Variants in ADARB2 observed in about 807,000 individuals in gnomAD.
ADARB2 encodes the protein inactive double-stranded RNA-specific editase B2.
Under a neutral mutation model 62.2 loss-of-function variants are expected in ADARB2, and 25 were observed. The observed-to-expected ratio is 0.40, with a 90% confidence interval of 0.29 to 0.56. The LOEUF is 0.56. Ranked by LOEUF, ADARB2 falls within the 20% of genes least tolerant of loss-of-function variation. ADARB2 has a pLI of 0.43. For synonymous variants in ADARB2, 572 were observed against 500.8 expected (o/e 1.14, Z -1.90); for missense variants, 1,071 against 1,077.4 (o/e 0.99, Z 0.08).
chr10:1,378,664 A>C (rs893737541), intron 2 of ADARB2, among the ~76,000 whole-genome samples: 4 of 151,566 alleles, frequency 2.6e-5, no homozygotes, highest in African/African-American at 9.7e-5. Flanking sequence ...TGTGGGTAAG[A>C]CTCCAGGTGC....
chr10:1,559,188 C>T (rs561644176), intron 1 of ADARB2, among the ~76,000 whole-genome samples: 36 of 152,328 alleles, frequency 2.4e-4, no homozygotes, highest in African/African-American at 7.7e-4. Flanking sequence ...CTTGCTTCTC[C>T]CCACCCAGGA....
intron 1 of ADARB2, among the ~76,000 whole-genome samples, chr10:1,470,076 G>A (rs990236196): frequency 2.0e-5 from 3 of 152,114 alleles, no homozygotes; most frequent in African/African-American, 7.2e-5. Context: ...ACCTTCCAAG[G>A]TCATCCAGCC....
chr10:1,335,862 C>A (rs745858258), intron 3 of ADARB2, among the ~76,000 whole-genome samples: 2 of 152,182 alleles, frequency 1.3e-5, no homozygotes, highest in Non-Finnish European at 2.9e-5. Context: ...TAGAGAGATG[C>A]CTGCGTTACA....
chr10:1,269,637 G>C (rs1267462393), intron 4 of ADARB2, among the ~76,000 whole-genome samples: 3 of 152,230 alleles, frequency 2.0e-5, no homozygotes, highest in Non-Finnish European at 4.4e-5. Flanking sequence ...AGGTGGGGCT[G>C]GATTCTGTGC....
intron 7 of ADARB2, among the ~76,000 whole-genome samples, chr10:1,210,704 C>T (rs1006927113): frequency 6.6e-6 from 1 of 152,218 alleles, no homozygotes; most frequent in African/African-American, 2.4e-5. Context: ...CTCATGAGTG[C>T]AGTGAGCGGT....
chr10:1,180,357 C>T lies in ADARB2; in HGVS notation c.*2836G>A, dbSNP rs978215901. The T allele has an allele frequency of 3.6e-4, 54 of 151,774 alleles. No individual in the cohort carries two copies. Among genetic ancestry groups the T allele is most frequent in the African/African-American group, 1.3e-3 (52 of 41,366 alleles). The allele number at this position is 151,774 out of a possible 1,614,324, so 9.4% of individuals were successfully genotyped here. A position where few individuals can be genotyped will look rare whatever the true frequency, so the allele number is the denominator to read the frequency against. On this transcript the variant is annotated 3_prime_UTR_variant, in exon 10 of 10. Transcript: ENST00000381312. The stretch of plus-strand genomic sequence containing the variant: ...CCGGGTCTTCCAGGCACACCTGGGG[C>T]TGTGGGAATCCTGGGACTCGGCCCC...
chr10:1,566,128 AGTGT>A (rs1198504123), intron 1 of ADARB2, among the ~76,000 whole-genome samples: 2 of 146,758 alleles, frequency 1.4e-5, no homozygotes, highest in African/African-American at 2.5e-5. Context: ...GTGTACAGTG[AGTGT>A]GTGTGTATCT....
intron 3 of ADARB2, among the ~76,000 whole-genome samples, chr10:1,279,687 G>A (rs546924173): frequency 1.6e-4 from 25 of 152,316 alleles, no homozygotes; most frequent in African/African-American, 4.3e-4. Context: ...TCATTTTGCC[G>A]TAAGTACTTC....
intron 3 of ADARB2, among the ~76,000 whole-genome samples, chr10:1,324,476 A>G (rs1434670528): frequency 6.6e-6 from 1 of 152,236 alleles, no homozygotes; most frequent in African/African-American, 2.4e-5. Context: ...CCCAAACTGG[A>G]ATCCGCCCAG....
At chr10:1,514,178 AATAT>A (rs61671460) in intron 1 of ADARB2, among the ~76,000 whole-genome samples, 5,429 of 94,154 alleles carry the variant, frequency 0.058, 647 homozygotes, top group African/African-American at 0.16. Flanking sequence ...GCTGTCTCAA[AATAT>A]ATATATATAT....
chr10:1,379,578 A>G (rs1423527505), intron 1 of ADARB2, among the ~76,000 whole-genome samples: 2 of 152,214 alleles, frequency 1.3e-5, no homozygotes, highest in Non-Finnish European at 2.9e-5. Flanking sequence ...AGCCAAGACT[A>G]TCTTTTCCTA....
chr10:1,292,909 G>A (rs1831479678), intron 3 of ADARB2: 1 of 146,396 alleles, frequency 6.8e-6, no homozygotes, highest in African/African-American at 2.7e-5. Context: ...AAAATCCAAA[G>A]CCTTTGTTGC....
intron 1 of ADARB2, among the ~76,000 whole-genome samples, chr10:1,547,244 G>A (rs1484057318): frequency 2.0e-5 from 3 of 147,044 alleles, no homozygotes; most frequent in Non-Finnish European, 4.5e-5. Flanking sequence ...CTGTGTTGGG[G>A]GCAGAGGCTG....
intron 1 of ADARB2, among the ~76,000 whole-genome samples, chr10:1,565,812 C>T (rs2131989030): frequency 6.6e-6 from 1 of 152,184 alleles, no homozygotes; most frequent in African/African-American, 2.4e-5. Context: ...AAAGAAGGGA[C>T]ATTTCGGTCA....
intron 1 of ADARB2, among the ~76,000 whole-genome samples, chr10:1,647,302 G>A (rs1369015129): frequency 1.3e-5 from 2 of 152,090 alleles, no homozygotes; most frequent in African/African-American, 2.4e-5. Flanking sequence ...TTCTACCATT[G>A]GCTCCTTATG....
intron 3 of ADARB2, 56 bp downstream of exon 3, chr10:1,362,972 G>A: frequency 7.9e-7 from 1 of 1,267,140 alleles, no homozygotes; most frequent in Non-Finnish European, 1.0e-6. Context: ...AAAGGTCGGG[G>A]TCTCCCCCGC....
intron 1 of ADARB2, among the ~76,000 whole-genome samples, chr10:1,663,027 G>A (rs1834268843): frequency 6.6e-6 from 1 of 152,262 alleles, no homozygotes; most frequent in Non-Finnish European, 1.5e-5. Flanking sequence ...TTTAAGTCCA[G>A]TGGATGTGAT....
chr10:1,623,979 A>T (rs1833736811), intron 1 of ADARB2, among the ~76,000 whole-genome samples: 1 of 152,154 alleles, frequency 6.6e-6, no homozygotes, highest in Non-Finnish European at 1.5e-5. Context: ...CACACGTATG[A>T]TCTAGCGATT....
At chr10:1,498,104 G>A (rs1300529071) in intron 1 of ADARB2, among the ~76,000 whole-genome samples, 2 of 152,202 alleles carry the variant, frequency 1.3e-5, no homozygotes, top group African/African-American at 2.4e-5. Context: ...TGGGCATGGT[G>A]GCTCACGCTT....
Sources: gnomAD v4.1 joint callset for allele counts (sites outside exome capture counted in the v4.1 genomes callset) on GRCh38, gnomAD v4.1.1 for gene constraint, MANE v1.5 for transcripts, NCBI Gene and HGNC (gene_info 2026-07-23, HGNC 2026-07-21) for gene names.